XKR4: variants seen among roughly 807,000 people sequenced by gnomAD.
XKR4 encodes XK-related protein 4.
In XKR4, 12 loss-of-function variants were observed where a neutral mutation model predicts 53.9. The ratio of observed to expected loss-of-function variants is 0.22; its 90% CI spans 0.14 to 0.36. The LOEUF is 0.36. Among genes scored for constraint, XKR4 ranks in the 10% least tolerant of loss-of-function variants. The probability of loss-of-function intolerance (pLI) is 1.00; values close to 1 mark genes in which losing one functional copy is unlikely to be tolerated. For synonymous variants in XKR4, 354 were observed against 362.4 expected (o/e 0.98, Z 0.26); for missense variants, 799 against 859.5 (o/e 0.93, Z 0.88).
At chr8:55,443,211 C>A (rs1805295137) in intron 2 of XKR4, among the ~76,000 whole-genome samples, 1 of 151,884 alleles carries the variant, frequency 6.6e-6, no homozygotes, top group African/African-American at 2.4e-5. Flanking sequence ...TGAACATGGA[C>A]ACAGAAATTA....
chr8:55,357,917 T>C, intron 2 of XKR4, 40 bp downstream of exon 2: 1 of 1,579,430 alleles, frequency 6.3e-7, no homozygotes, highest in Non-Finnish European at 8.6e-7. Context: ...TGGGGAAAGA[T>C]TGACTGGCTA....
chr8:55,106,267 G>T (rs1159352135), intron 1 of XKR4, among the ~76,000 whole-genome samples: 2 of 152,138 alleles, frequency 1.3e-5, no homozygotes, highest in African/African-American at 4.8e-5. Context: ...AATAGCCATT[G>T]AAACATTGTG....
At chr8:55,235,812 C>T (rs1818112785) in intron 1 of XKR4, among the ~76,000 whole-genome samples, 1 of 152,194 alleles carries the variant, frequency 6.6e-6, no homozygotes, top group Admixed American at 6.5e-5. Flanking sequence ...GTCAAAAAAG[C>T]CCATGACTGC....
At chr8:55,380,773 G>T (rs1048782276) in intron 2 of XKR4, among the ~76,000 whole-genome samples, 5 of 152,246 alleles carry the variant, frequency 3.3e-5, no homozygotes, top group African/African-American at 1.2e-4. Context: ...TTTCGCAGAT[G>T]TATCTTTGTT....
At chr8:55,194,458 C>G (rs1817480308) in intron 1 of XKR4, among the ~76,000 whole-genome samples, 1 of 152,132 alleles carries the variant, frequency 6.6e-6, no homozygotes, top group East Asian at 1.9e-4. Context: ...GATTGCAGGA[C>G]ATTATTCTTG....
At chr8:55,214,811 T>C (rs1563484943) in intron 1 of XKR4, among the ~76,000 whole-genome samples, 1 of 152,198 alleles carries the variant, frequency 6.6e-6, no homozygotes, top group African/African-American at 2.4e-5. Flanking sequence ...AAGGAGCTTT[T>C]TGCTTGTCTC....
At chr8:55,482,718 A>G (rs532153852) in intron 2 of XKR4, among the ~76,000 whole-genome samples, 2 of 152,306 alleles carry the variant, frequency 1.3e-5, no homozygotes, top group South Asian at 2.1e-4. Context: ...AGTCCAATAT[A>G]CACTCAAAGG....
rs117677479 is a variant in XKR4 at position 55,127,062 on chromosome 8, A to G, written c.806+23768A>G. Among the ~76,000 whole-genome samples, 12 of 152,258 alleles carry G rather than the reference A, an allele frequency of 7.9e-5. No homozygotes were observed. In the East Asian group the frequency reaches 2.3e-3, roughly 29 times the overall value. On this transcript the variant is annotated intron_variant, in intron 1 of 2. Transcript: ENST00000327381. ...CATAGCAAGTGATGAGTCCTGTGCT[A>G]GTGGGTTGCATGGAGTACTGTGGGA...
chr8:55,230,768 T>C (rs932046792), intron 1 of XKR4, among the ~76,000 whole-genome samples: 6 of 152,364 alleles, frequency 3.9e-5, no homozygotes, highest in African/African-American at 1.4e-4. Flanking sequence ...ATAATGCTTT[T>C]ATGAAAAGCT....
intron 1 of XKR4, among the ~76,000 whole-genome samples, chr8:55,288,323 G>A (rs954676846): frequency 2.0e-5 from 3 of 152,204 alleles, no homozygotes; most frequent in African/African-American, 7.2e-5. Flanking sequence ...TTTAGGCTTT[G>A]CTGTTTTGCA....
intron 2 of XKR4, among the ~76,000 whole-genome samples, chr8:55,518,266 A>G (rs778909539): frequency 1.3e-5 from 2 of 152,202 alleles, no homozygotes; most frequent in African/African-American, 2.4e-5. Context: ...TGAAACTGAA[A>G]TTGCAAAGAA....
chr8:55,478,082 C>A (rs1348694526), intron 2 of XKR4, among the ~76,000 whole-genome samples: 1 of 152,058 alleles, frequency 6.6e-6, no homozygotes, highest in Admixed American at 6.6e-5. Context: ...TCGAGAAGAG[C>A]AACTCCAAGA....
chr8:55,199,918 T>G (rs2129362074), intron 1 of XKR4, among the ~76,000 whole-genome samples: 1 of 152,344 alleles, frequency 6.6e-6, no homozygotes, highest in South Asian at 2.1e-4. Flanking sequence ...AAACCAAAGC[T>G]TAAAAAGGTT....
chr8:55,110,740 T>C (rs1816220136), intron 1 of XKR4, among the ~76,000 whole-genome samples: 1 of 152,198 alleles, frequency 6.6e-6, no homozygotes, highest in African/African-American at 2.4e-5. Flanking sequence ...GTATTTTTCA[T>C]TGAATTCTTA....
chr8:55,442,487 T>C (rs917416410), intron 2 of XKR4, among the ~76,000 whole-genome samples: 1 of 152,214 alleles, frequency 6.6e-6, no homozygotes, highest in Non-Finnish European at 1.5e-5. Context: ...TTCCTAGATA[T>C]ACGCCCAAGA....
intron 2 of XKR4, among the ~76,000 whole-genome samples, chr8:55,438,996 C>A (rs112680976): frequency 2.6e-5 from 4 of 151,996 alleles, no homozygotes; most frequent in African/African-American, 9.7e-5. Flanking sequence ...AAAACTAGGA[C>A]GGGGGTGAGG....
At position 55,259,656 on chromosome 8, in the gene XKR4, C is replaced by T. The variant is rs532454318; in HGVS notation, c.807-98022C>T. ...GCAGAGGGAAGTGATTCATCTCTCCCGAGGCTCTTGCACTGTAATGATGTA... is the reference window on the plus strand; with the variant it reads ...GCAGAGGGAAGTGATTCATCTCTCCTGAGGCTCTTGCACTGTAATGATGTA... On this transcript the variant is annotated intron_variant, in intron 1 of 2. Transcript: ENST00000327381. Among the ~76,000 whole-genome samples, 3 of 152,204 alleles carry T rather than the reference C, an allele frequency of 2.0e-5. 1 individual carries two copies. Among genetic ancestry groups the T allele is most frequent in the African/African-American group, 7.2e-5 (3 of 41,528 alleles).
intron 1 of XKR4, among the ~76,000 whole-genome samples, chr8:55,317,186 A>G (rs1283776140): frequency 6.6e-6 from 1 of 152,254 alleles, no homozygotes; most frequent in Non-Finnish European, 1.5e-5. Context: ...AAGATTTTAT[A>G]ATCACTCATG....
intron 2 of XKR4, among the ~76,000 whole-genome samples, chr8:55,472,010 T>C (rs1276431469): frequency 6.6e-6 from 1 of 152,106 alleles, no homozygotes; most frequent in Non-Finnish European, 1.5e-5. Flanking sequence ...CAGTGGTGCA[T>C]ACAGGAGAAT....
Sources: gnomAD v4.1 joint callset for allele counts (sites outside exome capture counted in the v4.1 genomes callset) on GRCh38, gnomAD v4.1.1 for gene constraint, MANE v1.5 for transcripts, NCBI Gene and HGNC (gene_info 2026-07-23, HGNC 2026-07-21) for gene names.